Variants in TCP11L2 observed in about 807,000 individuals in gnomAD.
TCP11L2 encodes t-complex 11 like 2, also known as T-complex protein 11-like protein 2.
TCP11L2 carries 39 observed loss-of-function variants against 50.7 expected under a neutral mutation model. The observed-to-expected ratio is 0.77, with a 90% CI of 0.60 to 1.01. The LOEUF is 1.01. TCP11L2 is among the 50% of genes least tolerant of loss of function. TCP11L2 has a pLI of 0.00. For missense variants in TCP11L2, 612 were observed against 614.7 expected, an observed-to-expected ratio of 1.00 and a Z score of 0.05; for synonymous variants, 192 against 219.3, an observed-to-expected ratio of 0.88 and a Z score of 1.10.
intron 3 of TCP11L2, among the ~76,000 whole-genome samples, chr12:106,316,131 C>G (rs1294767961): frequency 6.6e-6 from 1 of 152,060 alleles, no homozygotes; most frequent in African/African-American, 2.4e-5. Context: ...TGCCATGACC[C>G]TTGATACCAG....
At chr12:106,304,690 C>CT (rs1296589763) in intron 1 of TCP11L2, among the ~76,000 whole-genome samples, 3 of 152,308 alleles carry the variant, frequency 2.0e-5, no homozygotes, top group East Asian at 1.9e-4. Flanking sequence ...CTTGAAATTT[C>CT]TTTTTTGCGT....
intron 6 of TCP11L2, among the ~76,000 whole-genome samples, chr12:106,330,557 C>T (rs1297358758): frequency 3.9e-5 from 6 of 152,080 alleles, no homozygotes; most frequent in South Asian, 2.1e-4. Flanking sequence ...TCAATAGTGC[C>T]GAGGTTGAGA....
At chr12:106,319,444 A>C (rs540085224) in intron 4 of TCP11L2, among the ~76,000 whole-genome samples, 5 of 152,328 alleles carry the variant, frequency 3.3e-5, no homozygotes, top group Non-Finnish European at 4.4e-5. Flanking sequence ...GATCAAGTTC[A>C]CTGGCAGAGT....
intron 6 of TCP11L2, among the ~76,000 whole-genome samples, chr12:106,334,083 G>A (rs969241792): frequency 7.2e-5 from 11 of 152,126 alleles, no homozygotes; most frequent in Admixed American, 5.2e-4. Flanking sequence ...TAATGAACAG[G>A]CAGAGGAACA....
intron 1 of TCP11L2, among the ~76,000 whole-genome samples, chr12:106,309,734 G>A (rs1232738474): frequency 6.6e-6 from 1 of 151,370 alleles, no homozygotes; most frequent in African/African-American, 2.4e-5. Flanking sequence ...GTTTTAGGTA[G>A]CTGGACTTGA....
At chr12:106,313,597 AT>A (rs1224281141) in intron 2 of TCP11L2, among the ~76,000 whole-genome samples, 1 of 149,902 alleles carries the variant, frequency 6.7e-6, no homozygotes, top group African/African-American at 2.5e-5. Flanking sequence ...AAATAAATAA[AT>A]AAATAAATAA....
chr12:106,326,393 A>G (rs544030944), intron 6 of TCP11L2, among the ~76,000 whole-genome samples: 22 of 152,264 alleles, frequency 1.4e-4, no homozygotes, highest in African/African-American at 5.1e-4. Flanking sequence ...GACTGGTGAA[A>G]TTCTGTAGGG....
chr12:106,341,796 T>C lies in TCP11L2; in HGVS notation c.1315+798T>C, dbSNP rs138622442. Among the ~76,000 whole-genome samples the C allele has an allele frequency of 1.4e-3, 206 of 152,274 alleles. 2 individuals carry two copies. The highest frequency in any genetic ancestry group is 4.8e-3 in the African/African-American group (200 of 41,566). ...TTTAAGTCCAGTGAAAAACAAGGAA[T>C]CTGCCTCCCTGTTGGCTCAAACAGT... On this transcript the variant is annotated intron_variant, in intron 9 of 9. Transcript: ENST00000299045.
At chr12:106,325,907 A>AC (rs1555203593) in intron 6 of TCP11L2, 2 of 151,524 alleles carry the variant, frequency 1.3e-5, no homozygotes, top group Non-Finnish European at 2.9e-5. Flanking sequence ...AAAAAAAAAA[A>AC]AAAAAACCCA....
In TCP11L2 at chr12:106,339,127, G is replaced by A. The variant is rs564430363; in HGVS notation, c.1143-1699G>A. On this transcript the variant is annotated intron_variant, in intron 8 of 9. Coordinates refer to ENST00000299045, the MANE Select transcript of TCP11L2 (RefSeq NM_152772.3). ...GCCACTGCACTCCAGCCTGGGTGAC[G>A]GAGTGAGACTCCGTCTCAAAAGAAA... Among the ~76,000 whole-genome samples the A allele has an allele frequency of 5.3e-5, 8 of 152,222 alleles. No homozygotes were observed. In the South Asian group the frequency reaches 1.0e-3, roughly 20 times the overall value.
intron 6 of TCP11L2, among the ~76,000 whole-genome samples, chr12:106,335,279 A>C (rs905988790): frequency 1.3e-5 from 2 of 152,182 alleles, no homozygotes; most frequent in African/African-American, 4.8e-5. Context: ...ATCCAATGCC[A>C]TTTGCTACAA....
chr12:106,308,491 T>G (rs899774069), intron 1 of TCP11L2, among the ~76,000 whole-genome samples: 1 of 152,218 alleles, frequency 6.6e-6, no homozygotes, highest in Non-Finnish European at 1.5e-5. Flanking sequence ...TTAAGCTAGT[T>G]CATAAATTCT....
intron 3 of TCP11L2, 94 bp downstream of exon 3, chr12:106,314,587 G>A (rs567988076): frequency 2.6e-5 from 25 of 954,780 alleles, no homozygotes; most frequent in Admixed American, 1.9e-4. Context: ...GAGAGAGAGA[G>A]AGAGAGAGAG....
At chr12:106,299,910 T>C (rs193287892), upstream of TCP11L2, among the ~76,000 whole-genome samples, 168 of 152,332 alleles carry the variant, frequency 1.1e-3, no homozygotes, top group Middle Eastern at 6.8e-3. Flanking sequence ...AAAACTCAGA[T>C]TTCAGATGTG....
chr12:106,320,127 G>A (rs773107978), intron 4 of TCP11L2, among the ~76,000 whole-genome samples: 8 of 152,206 alleles, frequency 5.3e-5, no homozygotes, highest in Admixed American at 1.3e-4. Context: ...CCAGCTGGGC[G>A]CGGCGGCTCA....
intron 1 of TCP11L2, chr12:106,303,531 G>C (rs1361252056): frequency 6.6e-6 from 1 of 152,316 alleles, no homozygotes; most frequent in Non-Finnish European, 1.5e-5. Context: ...TCCCCTTGCC[G>C]GGACCTTTGG....
At chr12:106,302,657 T>A (rs1285124349), upstream of TCP11L2, 13 of 151,916 alleles carry the variant, frequency 8.6e-5, no homozygotes, top group Admixed American at 7.2e-4. Flanking sequence ...AGGTTCAGTC[T>A]GTGAGCGCTC....
intron 6 of TCP11L2, among the ~76,000 whole-genome samples, chr12:106,331,405 T>A (rs1308873184): frequency 2.0e-5 from 3 of 152,212 alleles, no homozygotes; most frequent in African/African-American, 7.2e-5. Context: ...ACTCACTCTT[T>A]TTATTCCACG....
intron 6 of TCP11L2, among the ~76,000 whole-genome samples, chr12:106,326,338 G>A (rs2035545892): frequency 1.3e-5 from 2 of 152,256 alleles, no homozygotes; most frequent in Admixed American, 1.3e-4. Context: ...GGAGACTCAG[G>A]TGGGCCATGG....
Sources: gnomAD v4.1 joint callset for allele counts (sites outside exome capture counted in the v4.1 genomes callset) on GRCh38, gnomAD v4.1.1 for gene constraint, MANE v1.5 for transcripts, NCBI Gene and HGNC (gene_info 2026-07-23, HGNC 2026-07-21) for gene names.